Variants in PLEC observed in about 807,000 individuals in gnomAD.
The protein encoded by PLEC is hemidesmosomal protein 1.
PLEC carries 216 observed loss-of-function variants against 392.8 expected under a neutral mutation model. The ratio of observed to expected loss-of-function variants is 0.55; its 90% CI spans 0.49 to 0.62. The LOEUF (loss-of-function observed/expected upper bound fraction) is 0.62, where lower values mean the gene tolerates loss of function less well. Among genes scored for constraint, PLEC ranks in the 20% least tolerant of loss-of-function variants. The pLI, the probability that PLEC is intolerant of heterozygous loss-of-function variation, is 0.00. For synonymous variants in PLEC, 3,621 were observed against 2,980.6 expected, an observed-to-expected ratio of 1.21 and a Z score of -7.00; for missense variants, 6,863 against 6,563.4, an observed-to-expected ratio of 1.05 and a Z score of -1.58.
chr8:143,924,153 C>T lies in PLEC; in HGVS notation c.5776G>A (p.Glu1926Lys), dbSNP rs782016873. The T allele has an allele frequency of 3.1e-6, 5 of 1,598,942 alleles. No homozygotes were observed. Among genetic ancestry groups the T allele is most frequent in the Non-Finnish European group, 4.2e-6 (5 of 1,179,546 alleles). ...AAGCTCGCCTTCAGCGCCAGGATCT[C>T]CTCCTCCACCTGCCGCCGCTGCCTC... Reference protein sequence around the residue: ...TLRQRRQVEEEILALKASFEK... With the variant: ...TLRQRRQVEEKILALKASFEK... Residue 1926 changes from glutamate (E) to lysine (K), a missense_variant, in exon 31 of 32, where the codon GAG becomes AAG. Physicochemically the swap from Glu to Lys is moderately conservative, Grantham distance 56. Coordinates refer to ENST00000345136, the MANE Select transcript of PLEC (RefSeq NM_201384.3).
Position 143,935,211 on chromosome 8 carries a change from G to A in PLEC, c.705C>T (p.Leu235=), listed in dbSNP as rs782461255. The change falls in exon 7 of 32, where the codon CTC becomes CTT. Residue 235 remains leucine (L), a synonymous_variant. Coordinates refer to ENST00000345136, the MANE Select transcript of PLEC (RefSeq NM_201384.3). ...VAERDLGVTR[L]LDPEDVDVPQ... is the part of the protein sequence containing the mutation. ...ACGCAGACGTACCCTCAGGGTCCAG[G>A]AGCCGCGTCACTCCCAGGTCCCGCT... 6 of 1,612,532 alleles carry A rather than the reference G, an allele frequency of 3.7e-6. No homozygotes were observed. In the African/African-American group the frequency reaches 4.0e-5, roughly 11 times the overall value.
At chr8:143,927,128 C>A (rs1554706717) in intron 28 of PLEC, 47 bp from the exon 29 acceptor site, 1 of 1,568,162 alleles carries the variant, frequency 6.4e-7, no homozygotes, top group Non-Finnish European at 8.8e-7. Context: ...CCTCCGATGG[C>A]CCCTGCCCAG....
In PLEC at chr8:143,930,676, C is replaced by T. The variant is rs539924295; in HGVS notation, c.2305-140G>A. The stretch of plus-strand genomic sequence containing the variant: ...CAGCACTTGGAAGCAGGAGGTATAG[C>T]TGGGACAGGCCCCGGGGGTTGGCCC... On this transcript the variant is annotated intron_variant, in intron 19 of 31. Coordinates refer to ENST00000345136, the MANE Select transcript of PLEC (RefSeq NM_201384.3). 149 of 876,316 alleles carry T rather than the reference C, an allele frequency of 1.7e-4. 2 individuals carry two copies. In the South Asian group the frequency reaches 2.3e-3, roughly 13 times the overall value. The allele number at this position is 876,316 out of a possible 1,614,324, so 54.3% of individuals were successfully genotyped here.
chr8:143,923,437 G>A lies in PLEC; in HGVS notation c.6492C>T (p.Asp2164=), dbSNP rs575031901. Reference sequence around the variant, plus strand: ...ATTTCTTATGCTTCTCCATCTCCGCGTCAGCTGCCTGCTTCTGCCGCAGGG... The same window carrying A: ...ATTTCTTATGCTTCTCCATCTCCGCATCAGCTGCCTGCTTCTGCCGCAGGG... The part of the protein sequence containing the change: ...QAALRQKQAA[D]AEMEKHKKFA... The change falls in exon 31 of 32, where the codon GAC becomes GAT. Residue 2164 remains aspartate (D), a synonymous_variant. Transcript: ENST00000345136. 471 of 1,609,448 alleles carry A rather than the reference G, an allele frequency of 2.9e-4. 4 individuals are homozygous for A. The South Asian group carries it at 4.1e-3, about 14-fold the overall frequency.
chr8:143,941,682 C>T (rs1483015417), upstream of PLEC, among the ~76,000 whole-genome samples: 5 of 8,816 alleles, frequency 5.7e-4, no homozygotes, highest in African/African-American at 2.1e-3. Context: ...GCCCAGCCTG[C>T]CCCGCCCCAT....
In PLEC at chr8:143,920,658, C is replaced by T. The variant is rs1281499416; in HGVS notation, c.9163G>A (p.Val3055Met). 2.0e-5 allele frequency: 32 copies of T among 1,603,972 alleles called. No individual in the cohort carries two copies. The highest frequency in any genetic ancestry group is 2.3e-5 in the Non-Finnish European group (27 of 1,179,886). Residue 3055 changes from valine (V) to methionine (M), a missense_variant, in exon 32 of 32, where the codon GTG (valine) becomes ATG (methionine). Val to Met is a conservative substitution (Grantham distance 21). Coordinates refer to ENST00000345136, the MANE Select transcript of PLEC (RefSeq NM_201384.3). ...KKDLLPSDMA[V>M]ALLEAQAGTG... ...CCGGCCTGGGCTTCCAACAGGGCCA[C>T]GGCCATGTCGGATGGCAGCAGGTCT...
chr8:143,931,958 C>T lies in PLEC; in HGVS notation c.2157G>A (p.Lys719=), dbSNP rs1554715958. Residue 719 remains lysine (K), a synonymous_variant, in exon 18 of 32, where the codon AAG becomes AAA. Transcript: ENST00000345136. ...QLCCCIEAHL[K]ENAAYFQFFS... is the part of the protein sequence containing the mutation. ...TCACCTGAAAGTAGGCAGCGTTCTC[C>T]TTCAGGTGTGCCTCGATACAGCAGC... 4 of 1,607,312 alleles carry T rather than the reference C, an allele frequency of 2.5e-6. No individual in the cohort carries two copies. Among genetic ancestry groups the T allele is most frequent in the Non-Finnish European group, 3.4e-6 (4 of 1,178,128 alleles).
At chr8:143,966,952 G>A (rs1176582668) in intron 1 of PLEC, among the ~76,000 whole-genome samples, 11 of 152,294 alleles carry the variant, frequency 7.2e-5, no homozygotes, top group Admixed American at 2.6e-4. Context: ...ATGCAGCAGT[G>A]CTGGAAGCAA....
chr8:143,925,896 G>A lies in PLEC; in HGVS notation c.4045-12C>T. 1 of 1,538,774 alleles carries A rather than the reference G, an allele frequency of 6.5e-7. No homozygotes were observed. The stretch of plus-strand genomic sequence containing the variant: ...TGCTCAGCCAGCCTCTGTGGCCACA[G>A]CAGAGAGAAGAAGAGAAGCAGAGAG... On this transcript the variant is annotated splice_polypyrimidine_tract_variant and intron_variant, in intron 30 of 31. Transcript: ENST00000345136.
chr8:143,927,879 A>C lies in PLEC; in HGVS notation c.3374T>G (p.Leu1125Arg). 6.3e-7 allele frequency: 1 copy of C among 1,590,790 alleles called. No homozygotes were observed. Among genetic ancestry groups the C allele is most frequent in the Non-Finnish European group, 8.6e-7 (1 of 1,169,318 alleles). ...AQAVPATLPE[L>R]EATKASLKKL... ...CTTCAGAGAGGCCTTGGTGGCCTCGAGCTCCGGGAGGGTGGCCGGCACGGC... is the reference window on the plus strand; with the variant it reads ...CTTCAGAGAGGCCTTGGTGGCCTCGCGCTCCGGGAGGGTGGCCGGCACGGC... The change falls in exon 26 of 32, where the codon CTC becomes CGC. Residue 1125 changes from leucine to arginine, a missense_variant. Transcript: ENST00000345136.
upstream of PLEC, among the ~76,000 whole-genome samples, chr8:143,940,628 G>C (rs1289363835): frequency 1.3e-5 from 2 of 152,210 alleles, no homozygotes; most frequent in East Asian, 1.9e-4. Flanking sequence ...GAAAGAATGC[G>C]CTGCCCCAAC....
rs1205740826 is a variant in PLEC, at chr8:143,969,115, G to A, written c.70+4288C>T. On this transcript the variant is annotated intron_variant, in intron 1 of 31. Transcript: ENST00000356346. The surrounding 1 kb of genome is among the most constrained non-coding windows in gnomAD (Gnocchi z 5.1). The stretch of plus-strand genomic sequence containing the variant: ...AAAAGGTGGAAACAACCCACTATCC[G>A]TCAACTGATAAACGCATAAGCAAAA... Among the ~76,000 whole-genome samples the A allele has an allele frequency of 2.0e-5, 3 of 152,148 alleles. No homozygotes were observed. The highest frequency in any genetic ancestry group is 2.4e-5 in the African/African-American group (1 of 41,434).
upstream of PLEC, chr8:143,939,677 C>A (rs1476292573): frequency 2.2e-6 from 3 of 1,391,200 alleles, no homozygotes; most frequent in South Asian, 1.6e-5. Flanking sequence ...GCCCAGGCCG[C>A]CGCCAGGGAG....
Position 143,930,133 on chromosome 8 carries a change from C to A in PLEC, c.2612+11G>T. On this transcript the variant is annotated intron_variant, in intron 21 of 31. Coordinates refer to ENST00000345136, the MANE Select transcript of PLEC (RefSeq NM_201384.3). The stretch of plus-strand genomic sequence containing the variant: ...CTTCCAGCCCCCACCTGCTGAGCCC[C>A]CGCCACCCACCTGGTGACGGCCTCC... 1 of 1,587,004 alleles carries A rather than the reference C, an allele frequency of 6.3e-7. No homozygotes were observed.
At chr8:143,927,377 C>T (rs782265117) in intron 27 of PLEC, 33 bp downstream of exon 27, 4 of 1,609,794 alleles carry the variant, frequency 2.5e-6, no homozygotes, top group Non-Finnish European at 2.5e-6. Context: ...CAGGGCACGC[C>T]CAGCCGCCCC....
chr8:143,920,734 T>C lies in PLEC; in HGVS notation c.9087A>G (p.Val3029=), dbSNP rs782313505. The change falls in exon 32 of 32, where the codon GTA becomes GTG. Residue 3029 remains valine, a synonymous_variant. Coordinates refer to ENST00000345136, the MANE Select transcript of PLEC (RefSeq NM_201384.3). ...GCTTCTGCCCCGCCTCCTCCAGCCA[T>C]ACACCCGCGATGACGTTGGCACCCC... ...ALRGANVIAG[V]WLEEAGQKLS... 1.9e-5 allele frequency: 31 copies of C among 1,604,024 alleles called. No individual in the cohort carries two copies. The highest frequency in any genetic ancestry group is 3.3e-5 in the South Asian group (3 of 91,086).
chr8:143,960,296 A>C (rs1832810756), intron 1 of PLEC, among the ~76,000 whole-genome samples: 1 of 150,944 alleles, frequency 6.6e-6, no homozygotes, highest in African/African-American at 2.4e-5. Flanking sequence ...TAATAATAAT[A>C]ATAATAATAA....
At chr8:143,937,958 C>T (rs534477775) in intron 3 of PLEC, among the ~76,000 whole-genome samples, 193 bp downstream of exon 3, 8 of 152,302 alleles carry the variant, frequency 5.3e-5, no homozygotes, top group East Asian at 1.9e-4. Context: ...GCCAGGCCCT[C>T]GGCTGTGATG....
rs1823459930 is a variant in PLEC at position 143,923,070 on chromosome 8, C to T, written c.6859G>A (p.Ala2287Thr). The T allele has an allele frequency of 6.2e-7, 1 of 1,609,672 alleles. No homozygotes were observed. Among genetic ancestry groups the T allele is most frequent in the Non-Finnish European group, 8.5e-7 (1 of 1,179,790 alleles). The change falls in exon 31 of 32, where the codon GCC becomes ACC. Residue 2287 changes from alanine to threonine, a missense_variant. Physicochemically the swap from Ala to Thr is moderately conservative, Grantham distance 58 (BLOSUM62 0). Coordinates refer to ENST00000345136, the MANE Select transcript of PLEC (RefSeq NM_201384.3). ...AEEAARLSVA[A>T]QEAARLRQLA... ...TGCCGCAGTCGCGCAGCCTCTTGGG[C>T]CGCCACACTCAGCCGCGCGGCCTCC...
Sources: allele counts gnomAD v4.1 joint callset (sites outside exome capture counted in the v4.1 genomes callset), GRCh38; gene constraint gnomAD v4.1.1; non-coding constraint Gnocchi (gnomAD v3.1); transcripts MANE v1.5; gene names NCBI Gene and HGNC (gene_info 2026-07-23, HGNC 2026-07-21).